The following INTS15 variants were observed in gnomAD, a reference collection of about 807,000 sequenced individuals.
The protein encoded by INTS15 is integrator complex subunit 15, also known as uncharacterized protein C7orf26.
chr7:6,594,535 G>A, the INTS15 span: 2 of 1,614,148 alleles, frequency 1.2e-6, no homozygotes, highest in South Asian at 1.1e-5. Context: ...CAGATATTCA[G>A]TGCCAGCCCG....
chr7:6,600,077 G>A, the INTS15 span: 101 of 1,614,112 alleles, frequency 6.3e-5, 1 homozygote, highest in East Asian at 8.7e-4. Context: ...GGACCCGGGC[G>A]TGGGGATGGA....
chr7:6,590,705 G>A, the INTS15 span, among the ~76,000 whole-genome samples: 1 of 152,216 alleles, frequency 6.6e-6, no homozygotes, highest in Non-Finnish European at 1.5e-5. Context: ...GGTGTTAAAG[G>A]GACAAACTGG....
At chr7:6,591,854 C>T in the INTS15 span, 2 of 1,613,912 alleles carry the variant, frequency 1.2e-6, no homozygotes, top group East Asian at 2.2e-5. Context: ...GAGTGTGCTG[C>T]CTCCTGGCTT....
At chr7:6,595,750 T>C in the INTS15 span, among the ~76,000 whole-genome samples, 1 of 152,118 alleles carries the variant, frequency 6.6e-6, no homozygotes, top group African/African-American at 2.4e-5. Context: ...GGTGCAGTCA[T>C]AGGTCACTGT....
the INTS15 span, chr7:6,590,295 C>T: frequency 6.4e-7 from 1 of 1,570,654 alleles, no homozygotes; most frequent in Non-Finnish European, 8.6e-7. Context: ...TGAGCGACAT[C>T]CGCCACTCGC....
the INTS15 span, among the ~76,000 whole-genome samples, chr7:6,593,825 A>G: frequency 6.7e-6 from 1 of 148,210 alleles, no homozygotes; most frequent in African/African-American, 2.5e-5. Context: ...AATTTTTTCT[A>G]TTTTTTATAG....
the INTS15 span, chr7:6,590,490 G>A: frequency 3.2e-6 from 5 of 1,555,556 alleles, no homozygotes; most frequent in Middle Eastern, 1.9e-4. Flanking sequence ...GGCCTGAGAC[G>A]GTCGGGTTCC....
At chr7:6,597,448 C>T in the INTS15 span, among the ~76,000 whole-genome samples, 47,253 of 152,032 alleles carry the variant, frequency 0.31, 7,529 homozygotes, top group Admixed American at 0.39. Context: ...GCATGCGCCA[C>T]CACGCCTGGC....
chr7:6,603,597 G>A, the INTS15 span, among the ~76,000 whole-genome samples: 2 of 151,804 alleles, frequency 1.3e-5, no homozygotes, highest in Non-Finnish European at 2.9e-5. Context: ...CCAGCACTTC[G>A]GGAGGCCAAG....
At chr7:6,599,892 G>C in the INTS15 span, 4 of 1,614,196 alleles carry the variant, frequency 2.5e-6, no homozygotes, top group Non-Finnish European at 1.7e-6. Context: ...GAGGACCCAA[G>C]GTTGATTCTC....
the INTS15 span, among the ~76,000 whole-genome samples, chr7:6,591,143 C>G: frequency 6.6e-6 from 1 of 152,000 alleles, no homozygotes; most frequent in Non-Finnish European, 1.5e-5. Flanking sequence ...GCCTATATGA[C>G]TTTTTTCTAA....
chr7:6,590,737 T>G, the INTS15 span, among the ~76,000 whole-genome samples: 739 of 152,014 alleles, frequency 4.9e-3, 4 homozygotes, highest in Middle Eastern at 0.01. Flanking sequence ...TCCCTAGAGG[T>G]CTGTTGGGCT....
At chr7:6,591,635 T>A in the INTS15 span, 1 of 1,611,848 alleles carries the variant, frequency 6.2e-7, no homozygotes, top group Non-Finnish European at 8.5e-7. Flanking sequence ...TTTCCGGGAT[T>A]TCTTTTGCAG....
chr7:6,608,153 A>C, the INTS15 span: 10 of 1,332,958 alleles, frequency 7.5e-6, no homozygotes, highest in Non-Finnish European at 8.8e-6. Context: ...CTTCAGGCCC[A>C]TCCGCTAGGC....
At chr7:6,600,338 G>A in the INTS15 span, 1 of 1,612,844 alleles carries the variant, frequency 6.2e-7, no homozygotes. Context: ...GGCCTCAGGA[G>A]CTCTGCTGTG....
At chr7:6,605,360 C>T in the INTS15 span, among the ~76,000 whole-genome samples, 2 of 152,192 alleles carry the variant, frequency 1.3e-5, no homozygotes, top group South Asian at 2.1e-4. Flanking sequence ...TATCAGCTGG[C>T]ACCTTTCCCC....
the INTS15 span, chr7:6,590,558 C>T: frequency 4.3e-5 from 60 of 1,406,258 alleles, no homozygotes; most frequent in East Asian, 8.7e-4. Flanking sequence ...CTGTGTCAAG[C>T]CGCGGGCGCC....
chr7:6,594,382 G>A, the INTS15 span: 7 of 1,591,408 alleles, frequency 4.4e-6, no homozygotes, highest in East Asian at 2.2e-5. Context: ...ATAGTTGCTG[G>A]TCTACTCACT....
the INTS15 span, among the ~76,000 whole-genome samples, chr7:6,607,302 G>C: frequency 1.3e-5 from 2 of 152,044 alleles, no homozygotes; most frequent in Admixed American, 6.6e-5. This position sits in a 1 kb window ranked among gnomAD's most constrained non-coding sequence, Gnocchi z 6.0. Context: ...CAGGCCTCTG[G>C]GGCCCGGAGG....
Sources: allele counts gnomAD v4.1 joint callset (sites outside exome capture counted in the v4.1 genomes callset), GRCh38; gene constraint gnomAD v4.1.1; non-coding constraint Gnocchi (gnomAD v3.1); transcripts MANE v1.5; gene names NCBI Gene and HGNC (gene_info 2026-07-23, HGNC 2026-07-21).